The following BICD1 variants were observed in gnomAD, a reference collection of about 807,000 sequenced individuals.
BICD1 encodes the protein protein bicaudal D homolog 1.
In BICD1, 35 loss-of-function variants were observed where a neutral mutation model predicts 92.5. The observed-to-expected ratio is 0.38, with a 90% CI of 0.29 to 0.50. BICD1 has a LOEUF of 0.50. BICD1 is among the 20% of genes least tolerant of loss of function. The pLI is 0.93. For synonymous variants in BICD1, 429 were observed against 465.1 expected (o/e 0.92, Z 1.00); for missense variants, 950 against 1,189.8 (o/e 0.80, Z 2.97).
At chr12:32,153,785 G>GTGTGTACATATATATATATATATA in intron 1 of BICD1, among the ~76,000 whole-genome samples, 1 of 146,902 alleles carries the variant, frequency 6.8e-6, no homozygotes, top group African/African-American at 2.6e-5. Context: ...ATATATATGT[G>GTGTGTACATATATATATATATATA]TGTGTGTGTG....
At chr12:32,130,204 C>G (rs932588884) in intron 1 of BICD1, among the ~76,000 whole-genome samples, 1 of 142,998 alleles carries the variant, frequency 7.0e-6, no homozygotes. Context: ...TATACAGTGA[C>G]AAAATTTTTT....
intron 2 of BICD1, among the ~76,000 whole-genome samples, chr12:32,225,083 G>A (rs1945640396): frequency 2.6e-5 from 4 of 152,056 alleles, no homozygotes. Flanking sequence ...AATCTCCCTT[G>A]GTCAGTGCTA....
chr12:32,166,253 A>C (rs1438550714), intron 1 of BICD1, among the ~76,000 whole-genome samples: 100 of 151,792 alleles, frequency 6.6e-4, no homozygotes, highest in African/African-American at 2.4e-3. Context: ...CTCCTGCCTT[A>C]GTCTCCCAAG....
At position 32,313,606 on chromosome 12, in the gene BICD1, A is replaced by T. The variant is rs940069827; in HGVS notation, c.1005+7484A>T. On this transcript the variant is annotated intron_variant, in intron 4 of 9. Coordinates refer to ENST00000652176, the MANE Select transcript of BICD1 (RefSeq NM_001714.4). The surrounding 1 kb of genome is among the most constrained non-coding windows in gnomAD (Gnocchi z 4.2). The stretch of plus-strand genomic sequence containing the variant: ...GATTGGTTAGTTCTTGGGTTCTGAA[A>T]CTTAAAGTGACAAGTATAATTATTT... Among the ~76,000 whole-genome samples, 1 of 152,230 alleles carries T rather than the reference A, an allele frequency of 6.6e-6. No individual in the cohort carries two copies. Among genetic ancestry groups the T allele is most frequent in the African/African-American group, 2.4e-5 (1 of 41,468 alleles).
intron 2 of BICD1, among the ~76,000 whole-genome samples, chr12:32,259,824 A>G (rs1346280677): frequency 6.6e-6 from 1 of 152,186 alleles, no homozygotes; most frequent in African/African-American, 2.4e-5. Flanking sequence ...GATCAGTAAC[A>G]TCTTTCTGCA....
At chr12:32,299,831 T>C (rs1245586113) in intron 3 of BICD1, among the ~76,000 whole-genome samples, 1 of 152,144 alleles carries the variant, frequency 6.6e-6, no homozygotes, top group African/African-American at 2.4e-5. Flanking sequence ...GTCTAGGCCA[T>C]CAATTGAATA....
intron 9 of BICD1, among the ~76,000 whole-genome samples, chr12:32,369,740 AT>A (rs11390633): frequency 0.017 from 2,553 of 148,152 alleles, 68 homozygotes; most frequent in African/African-American, 0.057. Context: ...CCTCTACCAA[AT>A]TTTTTTTTTT....
At chr12:32,372,628 C>A (rs113330759) in intron 9 of BICD1, among the ~76,000 whole-genome samples, 8,974 of 152,228 alleles carry the variant, frequency 0.059, 381 homozygotes, top group Middle Eastern at 0.15. Context: ...TCTGTAGTCC[C>A]AGCACTTTGG....
At position 32,374,734 on chromosome 12, in the gene BICD1, ATTTTTTT is replaced by A. The variant is rs1179747608; in HGVS notation, c.2841-2788_2841-2782del. Among the ~76,000 whole-genome samples, 61 of 80,096 alleles carry A rather than the reference ATTTTTTT, an allele frequency of 7.6e-4. 1 individual carries two copies. Among genetic ancestry groups the A allele is most frequent in the African/African-American group, 2.7e-3 (49 of 18,276 alleles). The allele number at this position is 80,096 out of a possible 152,430, so 52.5% of individuals were successfully genotyped here. A position where few individuals can be genotyped will look rare whatever the true frequency, so the allele number is the denominator to read the frequency against. ...AGGCATGTGCCACCACGCCCGGCTA[ATTTTTTT>A]TTTTTTTTTTTTTTTTTGTATTTTT... On this transcript the variant is annotated intron_variant, in intron 9 of 9. Coordinates refer to ENST00000652176, the MANE Select transcript of BICD1 (RefSeq NM_001714.4).
chr12:32,377,471 T>C, intron 9 of BICD1, 69 bp from the exon 10 acceptor site: 4 of 1,230,826 alleles, frequency 3.2e-6, no homozygotes, highest in Non-Finnish European at 4.8e-6. Flanking sequence ...ATATCTCGTC[T>C]AACCCCTACC....
intron 2 of BICD1, among the ~76,000 whole-genome samples, chr12:32,238,256 G>C (rs1205777319): frequency 6.6e-6 from 1 of 151,598 alleles, no homozygotes; most frequent in Non-Finnish European, 1.5e-5. Context: ...TTTTTTTTAA[G>C]ACTTCAGTAG....
At chr12:32,174,935 G>T (rs571358222) in intron 1 of BICD1, among the ~76,000 whole-genome samples, 1 of 151,956 alleles carries the variant, frequency 6.6e-6, no homozygotes, top group African/African-American at 2.4e-5. Context: ...TTAAATATGC[G>T]TTTTGTTGTC....
intron 2 of BICD1, among the ~76,000 whole-genome samples, chr12:32,236,629 A>T (rs140587870): frequency 6.6e-6 from 1 of 152,274 alleles, no homozygotes; most frequent in East Asian, 1.9e-4. Flanking sequence ...CATAGAAATG[A>T]TTATGCTTAG....
intron 8 of BICD1, among the ~76,000 whole-genome samples, chr12:32,347,666 C>CTA (rs1423098180): frequency 1.3e-5 from 2 of 151,488 alleles, no homozygotes; most frequent in African/African-American, 4.8e-5. Context: ...AAGTTTGTAC[C>CTA]TATATACCCT....
intron 2 of BICD1, among the ~76,000 whole-genome samples, chr12:32,276,043 T>A (rs1006424832): frequency 5.3e-5 from 8 of 151,916 alleles, no homozygotes; most frequent in Admixed American, 5.2e-4. Flanking sequence ...TGAGCAAGGA[T>A]CCCCGGTAAC....
intron 5 of BICD1, chr12:32,332,484 G>A (rs1475272471): frequency 1.0e-6 from 1 of 969,494 alleles, no homozygotes; most frequent in Non-Finnish European, 1.2e-6. Context: ...GTCAGTAAAT[G>A]CTTATGAAGC....
intron 8 of BICD1, among the ~76,000 whole-genome samples, chr12:32,360,026 A>G (rs1373569402): frequency 1.3e-5 from 2 of 152,180 alleles, no homozygotes; most frequent in Non-Finnish European, 1.5e-5. Flanking sequence ...TCTACTAAAA[A>G]TACAAAAAAT....
chr12:32,373,451 GA>G (rs1483061490), intron 9 of BICD1, among the ~76,000 whole-genome samples: 6 of 152,082 alleles, frequency 3.9e-5, no homozygotes, highest in African/African-American at 1.2e-4. Context: ...CTAAAGGAAT[GA>G]AAAAAATTTA....
rs779474379 is a variant in BICD1, at chr12:32,377,543, T to C, written c.2844T>C (p.Pro948=). 6.2e-7 allele frequency: 1 copy of C among 1,613,970 alleles called. No homozygotes were observed. Among genetic ancestry groups the C allele is most frequent in the South Asian group, 1.1e-5 (1 of 91,072 alleles). Residue 948 remains proline, a synonymous_variant, in exon 10 of 10, where the codon CCT becomes CCC. Transcript: ENST00000652176. The stretch of plus-strand genomic sequence containing the variant: ...CGTGCTTGTTTCTCCTTTCCAGTCC[T>C]GACACAGCTCTCCCTGAGGAGCAGC... ...AGRQDCPTVS[P]DTALPEEQPH... is the part of the protein sequence containing the mutation.
Sources: gnomAD v4.1 joint callset for allele counts (sites outside exome capture counted in the v4.1 genomes callset) on GRCh38, gnomAD v4.1.1 for gene constraint, Gnocchi (gnomAD v3.1) non-coding constraint, MANE v1.5 for transcripts, NCBI Gene and HGNC (gene_info 2026-07-23, HGNC 2026-07-21) for gene names.